SNX19: variants seen among roughly 807,000 people sequenced by gnomAD.
The protein encoded by SNX19 is sorting nexin 19, also known as sorting nexin-19.
In SNX19, 60 loss-of-function variants were observed where a neutral mutation model predicts 85.2. The observed-to-expected ratio is 0.70, with a 90% CI of 0.57 to 0.87. The LOEUF (loss-of-function observed/expected upper bound fraction) is 0.87. Among genes scored for constraint, SNX19 ranks in the 40% least tolerant of loss-of-function variants. The probability of loss-of-function intolerance (pLI) is 0.00; values close to 1 mark genes in which losing one functional copy is unlikely to be tolerated. For missense variants in SNX19, 1,201 were observed against 1,217.8 expected (o/e 0.99, Z 0.21); for synonymous variants, 520 against 470.0 (o/e 1.11, Z -1.38).
chr11:130,898,246 G>T (rs1410779729), intron 8 of SNX19, among the ~76,000 whole-genome samples: 1 of 151,834 alleles, frequency 6.6e-6, no homozygotes, highest in Non-Finnish European at 1.5e-5. Context: ...GTCTTTTAAA[G>T]TTGCAAGATG....
intron 8 of SNX19, among the ~76,000 whole-genome samples, chr11:130,891,833 C>A (rs1592308823): frequency 1.4e-5 from 2 of 145,414 alleles, no homozygotes; most frequent in Non-Finnish European, 1.5e-5. Flanking sequence ...AGATTTCATT[C>A]TGAAAGTTTT....
intron 1 of SNX19, among the ~76,000 whole-genome samples, chr11:130,912,534 T>C (rs1946206998): frequency 6.6e-6 from 1 of 152,188 alleles, no homozygotes; most frequent in Non-Finnish European, 1.5e-5. Flanking sequence ...TGAAACGCTG[T>C]GGGAGAAGTA....
intron 4 of SNX19, 100 bp from the exon 5 acceptor site, chr11:130,908,183 A>T (rs770349072): frequency 1.0e-5 from 14 of 1,391,520 alleles, no homozygotes; most frequent in Non-Finnish European, 1.4e-5. Flanking sequence ...CAGGACAAGG[A>T]GAGGGGCCAG....
chr11:130,902,152 G>A (rs1455507506), intron 8 of SNX19, among the ~76,000 whole-genome samples: 1 of 152,232 alleles, frequency 6.6e-6, no homozygotes, highest in African/African-American at 2.4e-5. Flanking sequence ...GGGCATGTTA[G>A]TTGACTTTGC....
chr11:130,889,224 T>C (rs1223045200), intron 8 of SNX19, among the ~76,000 whole-genome samples: 7 of 152,162 alleles, frequency 4.6e-5, no homozygotes, highest in Non-Finnish European at 8.8e-5. Context: ...GTTCAGTATG[T>C]GTCCCCTCTT....
intron 10 of SNX19, among the ~76,000 whole-genome samples, chr11:130,878,857 G>C (rs942856556): frequency 6.6e-6 from 1 of 152,156 alleles, no homozygotes; most frequent in Non-Finnish European, 1.5e-5. Flanking sequence ...TGAGATGTCA[G>C]GTTACTAGAC....
At chr11:130,913,750 G>GT (rs2135423506) in intron 1 of SNX19, among the ~76,000 whole-genome samples, 1 of 152,324 alleles carries the variant, frequency 6.6e-6, no homozygotes, top group African/African-American at 2.4e-5. Flanking sequence ...AAGATAGCAA[G>GT]TTTTTGACTC....
At position 130,915,089 on chromosome 11, in the gene SNX19, T is replaced by G; in HGVS notation, c.851A>C (p.Gln284Pro). Residue 284 changes from glutamine to proline, a missense_variant, in exon 1 of 11, where the codon CAG (glutamine) becomes CCG (proline). By Grantham distance (76) the Gln-to-Pro change is moderately conservative. This residue lies in a region of SNX19 where 791 missense variants were observed against 750.9 expected (regional missense o/e 1.05). Coordinates refer to ENST00000265909, the MANE Select transcript of SNX19 (RefSeq NM_014758.3). The part of the protein sequence containing the change: ...PAPCPASAPE[Q>P]PSVPTSLPLI... ...TGGCAGAGATGTCGGCACTGAGGGC[T>G]GTTCGGGGGCACTGGCTGGGCAGGG... The G allele has an allele frequency of 6.2e-7, 1 of 1,613,892 alleles. No homozygotes were observed. The highest frequency in any genetic ancestry group is 8.5e-7 in the Non-Finnish European group (1 of 1,179,872).
In SNX19 at chr11:130,914,454, G is replaced by A. The variant is rs753382001; in HGVS notation, c.1486C>T (p.Pro496Ser). The change falls in exon 1 of 11, where the codon CCT becomes TCT. Residue 496 changes from proline to serine, a missense_variant. Pro to Ser is a moderately conservative substitution (Grantham distance 74). Coordinates refer to ENST00000265909, the MANE Select transcript of SNX19 (RefSeq NM_014758.3). Reference protein sequence around the residue: ...DLTNDVSSLDPTLPPVLLSSS... With the variant: ...DLTNDVSSLDSTLPPVLLSSS... ...GAAAGCAGAACTGGTGGCAGAGTAG[G>A]ATCAAGGGAGCTCACATCATTGGTG... The A allele has an allele frequency of 5.6e-6, 9 of 1,613,722 alleles. No homozygotes were observed. Among genetic ancestry groups the A allele is most frequent in the Non-Finnish European group, 6.8e-6 (8 of 1,179,814 alleles).
chr11:130,886,538 T>C (rs1944085353), intron 8 of SNX19, among the ~76,000 whole-genome samples: 2 of 152,172 alleles, frequency 1.3e-5, no homozygotes, highest in South Asian at 4.2e-4. Flanking sequence ...CCCTGTAAAA[T>C]GTTTGCAGGG....
At chr11:130,885,429 C>T (rs1295874467) in intron 8 of SNX19, among the ~76,000 whole-genome samples, 2 of 152,202 alleles carry the variant, frequency 1.3e-5, no homozygotes, top group African/African-American at 2.4e-5. Flanking sequence ...AGTAGAAGGT[C>T]ATTTCCCATC....
chr11:130,914,513 C>G lies in SNX19; in HGVS notation c.1427G>C (p.Cys476Ser), dbSNP rs533377565. ...TALLEGPEKTCPSRPSCLEKD... is the reference protein window; with the variant it reads ...TALLEGPEKTSPSRPSCLEKD... ...CTCTAAGCATGACGGCCGTGAGGGG[C>G]AGGTCTTTTCTGGCCCCTCCAGCAA... The change falls in exon 1 of 11, where the codon TGC (cysteine) becomes TCC (serine). Residue 476 changes from cysteine (C) to serine (S), a missense_variant. Physicochemically the swap from Cys to Ser is moderately radical, Grantham distance 112. Coordinates refer to ENST00000265909, the MANE Select transcript of SNX19 (RefSeq NM_014758.3). 1 of 1,613,964 alleles carries G rather than the reference C, an allele frequency of 6.2e-7. No individual in the cohort carries two copies. The highest frequency in any genetic ancestry group is 8.5e-7 in the Non-Finnish European group (1 of 1,179,872).
intron 8 of SNX19, among the ~76,000 whole-genome samples, chr11:130,892,149 G>C (rs1592310093): frequency 6.7e-6 from 1 of 150,000 alleles, no homozygotes; most frequent in Non-Finnish European, 1.5e-5. Context: ...CGGCCAATCT[G>C]AAAGTTTTCT....
At chr11:130,911,590 C>G in intron 2 of SNX19, 43 bp downstream of exon 2, 1 of 1,611,784 alleles carries the variant, frequency 6.2e-7, no homozygotes. Flanking sequence ...CGTGGCTCGA[C>G]GTGGGAAGCA....
Position 130,870,246 on chromosome 11 carries a change from A to G in SNX19, c.*8176T>C, listed in dbSNP as rs983962866. ...TTGCCTCAGTCCTCTCCAGATTGCT[A>G]AAAGGAGGTGTATAACCCTGCTCTT... On this transcript the variant is annotated 3_prime_UTR_variant, in exon 11 of 11. Transcript: ENST00000265909. 1 of 152,200 alleles carries G rather than the reference A, an allele frequency of 6.6e-6. No homozygotes were observed. Among genetic ancestry groups the G allele is most frequent in the African/African-American group, 2.4e-5 (1 of 41,462 alleles). 9.4% of individuals were successfully genotyped at this position (152,200 alleles called of 1,614,324 possible).
chr11:130,915,062 A>T lies in SNX19; in HGVS notation c.878T>A (p.Leu293Gln), dbSNP rs778861870. 1 of 1,614,098 alleles carries T rather than the reference A, an allele frequency of 6.2e-7. No individual in the cohort carries two copies. Among genetic ancestry groups the T allele is most frequent in the African/African-American group, 1.3e-5 (1 of 75,040 alleles). ...EQPSVPTSLP[L>Q]IAEVEQLPEG... is the part of the protein sequence containing the mutation. The stretch of plus-strand genomic sequence containing the variant: ...TGGAAGCTGCTCTACCTCAGCAATC[A>T]GTGGCAGAGATGTCGGCACTGAGGG... The change falls in exon 1 of 11, where the codon CTG becomes CAG. Residue 293 changes from leucine to glutamine, a missense_variant. This residue lies in a region of SNX19 where 791 missense variants were observed against 750.9 expected (regional missense o/e 1.05). Transcript: ENST00000265909.
intron 8 of SNX19, among the ~76,000 whole-genome samples, chr11:130,890,666 GTT>G (rs1491137633): frequency 6.6e-5 from 10 of 150,870 alleles, no homozygotes; most frequent in Non-Finnish European, 4.4e-5. Context: ...TGCCTTGAAT[GTT>G]CTCTCTCTCT....
At chr11:130,896,042 A>G (rs979312492) in intron 8 of SNX19, among the ~76,000 whole-genome samples, 2 of 152,236 alleles carry the variant, frequency 1.3e-5, no homozygotes, top group Non-Finnish European at 2.9e-5. Context: ...CAAAGCCATC[A>G]ATGAGAAAAA....
intron 8 of SNX19, among the ~76,000 whole-genome samples, chr11:130,899,129 A>C (rs544476311): frequency 6.6e-6 from 1 of 152,330 alleles, no homozygotes; most frequent in African/African-American, 2.4e-5. Flanking sequence ...GTTGGTGCAA[A>C]AGTAACTGTG....
Sources: gnomAD v4.1 joint callset for allele counts (sites outside exome capture counted in the v4.1 genomes callset) on GRCh38, gnomAD v4.1.1 for gene constraint, gnomAD v4.1.1 regional missense constraint, MANE v1.5 for transcripts, NCBI Gene and HGNC (gene_info 2026-07-23, HGNC 2026-07-21) for gene names.